LRMDA: variants seen among roughly 807,000 people sequenced by gnomAD.
LRMDA encodes leucine-rich melanocyte differentiation-associated protein.
Under a neutral mutation model 29.8 loss-of-function variants are expected in LRMDA, and 18 were observed. The observed-to-expected ratio is 0.60, with a 90% CI of 0.42 to 0.90. The LOEUF (loss-of-function observed/expected upper bound fraction) is 0.90, where lower values mean the gene tolerates loss of function less well. Among genes scored for constraint, LRMDA ranks in the 40% least tolerant of loss-of-function variants. The probability of loss-of-function intolerance (pLI) is 0.00; values close to 1 mark genes in which losing one functional copy is unlikely to be tolerated. For missense variants in LRMDA, 273 were observed against 273.9 expected (o/e 1.00, Z 0.02); for synonymous variants, 125 against 109.4 (o/e 1.14, Z -0.89).
At chr10:75,441,096 A>G (rs543902979) in intron 2 of LRMDA, among the ~76,000 whole-genome samples, 17 of 152,266 alleles carry the variant, frequency 1.1e-4, no homozygotes, top group African/African-American at 4.1e-4. Flanking sequence ...TAGGGAGAAG[A>G]GAAGAGACAG....
At chr10:75,850,866 T>C (rs985098518) in intron 2 of LRMDA, among the ~76,000 whole-genome samples, 9 of 152,148 alleles carry the variant, frequency 5.9e-5, no homozygotes, top group African/African-American at 1.9e-4. Flanking sequence ...ACAGTAGTGT[T>C]CTGGGCAGAG....
intron 6 of LRMDA, among the ~76,000 whole-genome samples, chr10:76,413,785 C>G (rs1841987818): frequency 6.6e-6 from 1 of 152,194 alleles, no homozygotes; most frequent in South Asian, 2.1e-4. Context: ...TAAACTAGAG[C>G]TTGGCACACA....
At chr10:75,660,416 C>T (rs1453683841) in intron 2 of LRMDA, among the ~76,000 whole-genome samples, 3 of 152,160 alleles carry the variant, frequency 2.0e-5, no homozygotes, top group East Asian at 1.9e-4. Flanking sequence ...GCCTGCCGGA[C>T]GGCTCTGACA....
chr10:76,295,893 A>G (rs1840405977), intron 5 of LRMDA, among the ~76,000 whole-genome samples: 1 of 152,016 alleles, frequency 6.6e-6, no homozygotes. Context: ...GCTAATCTTC[A>G]CTCATCCCTT....
At chr10:76,271,874 G>T (rs1840072228) in intron 5 of LRMDA, among the ~76,000 whole-genome samples, 1 of 152,168 alleles carries the variant, frequency 6.6e-6, no homozygotes, top group Non-Finnish European at 1.5e-5. Context: ...GTGACCATGG[G>T]AGAGAAGCAG....
At chr10:75,692,208 GA>G (rs528945539) in intron 2 of LRMDA, among the ~76,000 whole-genome samples, 795 of 61,064 alleles carry the variant, frequency 0.013, 7 homozygotes, top group South Asian at 0.055. Context: ...TCTCTGGGGG[GA>G]AAAAAAAAAA....
At chr10:75,905,265 A>C in intron 2 of LRMDA, among the ~76,000 whole-genome samples, 1 of 144,928 alleles carries the variant, frequency 6.9e-6, no homozygotes. Context: ...TAAATCATAG[A>C]CCCTCTAAAA....
intron 2 of LRMDA, among the ~76,000 whole-genome samples, chr10:75,796,730 G>A (rs773510545): frequency 2.6e-5 from 4 of 152,068 alleles, no homozygotes; most frequent in Non-Finnish European, 5.9e-5. Context: ...CTGCCACCAC[G>A]CCTGGCTAAT....
At chr10:75,507,580 T>A (rs994310466) in intron 2 of LRMDA, among the ~76,000 whole-genome samples, 1 of 151,868 alleles carries the variant, frequency 6.6e-6, no homozygotes, top group Non-Finnish European at 1.5e-5. Context: ...GATTGAAAAA[T>A]GTGGTCTGAA....
At chr10:76,286,799 T>C (rs1840277020) in intron 5 of LRMDA, among the ~76,000 whole-genome samples, 1 of 152,150 alleles carries the variant, frequency 6.6e-6, no homozygotes, top group African/African-American at 2.4e-5. Context: ...TTTATTCAGA[T>C]TTGCTGATTT....
At chr10:76,515,783 C>T (rs1378695168) in intron 6 of LRMDA, among the ~76,000 whole-genome samples, 6 of 152,256 alleles carry the variant, frequency 3.9e-5, no homozygotes, top group South Asian at 2.1e-4. Context: ...GGATTTCAGC[C>T]GTGAGGCACC....
At chr10:76,098,534 C>A (rs1302096960) in intron 5 of LRMDA, among the ~76,000 whole-genome samples, 3 of 152,052 alleles carry the variant, frequency 2.0e-5, no homozygotes, top group Non-Finnish European at 4.4e-5. Context: ...GTATTAGCGT[C>A]CCATCTTTCA....
intron 2 of LRMDA, among the ~76,000 whole-genome samples, chr10:75,614,956 G>A (rs1281627573): frequency 6.6e-6 from 1 of 152,198 alleles, no homozygotes; most frequent in East Asian, 1.9e-4. Flanking sequence ...ACCAAGCCTA[G>A]ACCATGTCTT....
Position 76,497,535 on chromosome 10 carries a change from ACT to A in LRMDA, c.602-59671_602-59670del, listed in dbSNP as rs146333068. Among the ~76,000 whole-genome samples, 42 of 74,590 alleles carry A rather than the reference ACT, an allele frequency of 5.6e-4. 12 individuals carry two copies. The highest frequency in any genetic ancestry group is 1.3e-3 in the African/African-American group (40 of 30,712). 48.9% of individuals were successfully genotyped at this position (74,590 alleles called of 152,430 possible). On this transcript the variant is annotated intron_variant, in intron 6 of 6. Transcript: ENST00000611255. ...ACTTCAACTCAAGTATACCCCACTG[ACT>A]CTATTCAGTAGAGAGATGGCAAAAG...
At chr10:75,691,130 AT>A (rs1842146635) in intron 2 of LRMDA, among the ~76,000 whole-genome samples, 1 of 102,954 alleles carries the variant, frequency 9.7e-6, no homozygotes, top group Non-Finnish European at 1.7e-5. Flanking sequence ...ATATACATAG[AT>A]ATATAGATCT....
At chr10:76,113,064 T>A (rs180711094) in intron 5 of LRMDA, among the ~76,000 whole-genome samples, 9 of 152,286 alleles carry the variant, frequency 5.9e-5, no homozygotes, top group African/African-American at 2.2e-4. Flanking sequence ...CTTCCTCCTG[T>A]TAGTCCGAGC....
In LRMDA at chr10:75,498,453, T is replaced by TGTGTGCACGAGTGTTTGC. The variant is rs1289897542; in HGVS notation, c.131+59967_131+59984dup. 6.6e-5 allele frequency among the ~76,000 whole-genome samples: 10 copies of TGTGTGCACGAGTGTTTGC among 152,132 alleles called. 1 individual carries two copies. Among genetic ancestry groups the TGTGTGCACGAGTGTTTGC allele is most frequent in the Non-Finnish European group, 4.4e-5 (3 of 68,006 alleles). On this transcript the variant is annotated intron_variant, in intron 2 of 6. Transcript: ENST00000611255. ...CACCTCCCAGATGGAGCGACGTGTG[T>TGTGTGCACGAGTGTTTGC]GTGTGCACGAGTGTTTGCGTGTGCA...
intron 2 of LRMDA, among the ~76,000 whole-genome samples, chr10:75,733,165 A>C (rs1208698765): frequency 6.6e-6 from 1 of 152,226 alleles, no homozygotes; most frequent in Non-Finnish European, 1.5e-5. Flanking sequence ...CTTGTGTCCC[A>C]TGTGTTAGTA....
chr10:75,645,074 T>G (rs1027090559), intron 2 of LRMDA, among the ~76,000 whole-genome samples: 10 of 151,768 alleles, frequency 6.6e-5, no homozygotes, highest in Non-Finnish European at 1.3e-4. Flanking sequence ...CCTCCGCCTC[T>G]TGGGCTCAAG....
Sources: gnomAD v4.1 joint callset for allele counts (sites outside exome capture counted in the v4.1 genomes callset) on GRCh38, gnomAD v4.1.1 for gene constraint, MANE v1.5 for transcripts, NCBI Gene and HGNC (gene_info 2026-07-23, HGNC 2026-07-21) for gene names.